Variants in CPNE2 observed in about 807,000 individuals in gnomAD.
CPNE2 encodes the protein copine 2, also known as copine-2.
CPNE2 carries 42 observed loss-of-function variants against 69.7 expected under a neutral mutation model. The observed-to-expected ratio is 0.60, with a 90% CI of 0.47 to 0.78. The LOEUF (loss-of-function observed/expected upper bound fraction) is 0.78, where lower values mean the gene tolerates loss of function less well. Among genes scored for constraint, CPNE2 ranks in the 30% least tolerant of loss-of-function variants. The pLI, the probability that CPNE2 is intolerant of heterozygous loss-of-function variation, is 0.00. For synonymous variants in CPNE2, 294 were observed against 289.8 expected (o/e 1.01, Z -0.15); for missense variants, 587 against 732.0 (o/e 0.80, Z 2.29).
At chr16:57,104,499 G>C (rs1268185829) in intron 1 of CPNE2, among the ~76,000 whole-genome samples, 1 of 152,212 alleles carries the variant, frequency 6.6e-6, no homozygotes. Context: ...ATTCTCTCAA[G>C]TGATGTGTGC....
At chr16:57,093,557 A>G (rs2069558799) in intron 1 of CPNE2, among the ~76,000 whole-genome samples, 1 of 151,568 alleles carries the variant, frequency 6.6e-6, no homozygotes. Context: ...AAGCTCTCCT[A>G]TGGGGAAGGG....
At chr16:57,121,040 G>A (rs2069757564) in intron 7 of CPNE2, 53 bp from the exon 8 acceptor site, 23 of 1,378,334 alleles carry the variant, frequency 1.7e-5, no homozygotes, top group Non-Finnish European at 2.1e-5. Flanking sequence ...AGAGGGGCTG[G>A]AGAGCACCTC....
At position 57,109,467 on chromosome 16, in the gene CPNE2, C is replaced by A. The variant is rs375270018; in HGVS notation, c.-35-1241C>A. ...CTTCAGCCTGGGTGACAGAGCCAGA[C>A]TCTGCCTCAAAAAAAAAAAAAAAAG... On this transcript the variant is annotated intron_variant, in intron 1 of 15. Coordinates refer to ENST00000290776, the MANE Select transcript of CPNE2 (RefSeq NM_152727.6). Among the ~76,000 whole-genome samples, 54 of 146,270 alleles carry A rather than the reference C, an allele frequency of 3.7e-4. 1 individual carries two copies. The highest frequency in any genetic ancestry group is 3.5e-3 in the Middle Eastern group (1 of 286).
chr16:57,098,241 C>T (rs1224071889), intron 1 of CPNE2, among the ~76,000 whole-genome samples: 1 of 152,244 alleles, frequency 6.6e-6, no homozygotes, highest in Non-Finnish European at 1.5e-5. Flanking sequence ...CTGCTGCAGC[C>T]TCCTCGCCAT....
At chr16:57,094,180 G>A in intron 1 of CPNE2, 1 of 435,998 alleles carries the variant, frequency 2.3e-6, no homozygotes. Flanking sequence ...CGAAGGATGT[G>A]GACGCTTGGG....
At chr16:57,129,941 C>T (rs934286091) in intron 12 of CPNE2, among the ~76,000 whole-genome samples, 2 of 152,140 alleles carry the variant, frequency 1.3e-5, no homozygotes, top group Non-Finnish European at 2.9e-5. Flanking sequence ...GCTAGGGAGA[C>T]AGGTGGAGTG....
rs192340868 is a variant in CPNE2, at chr16:57,132,900, C to T, written c.1117-1875C>T. Among the ~76,000 whole-genome samples, 492 of 152,222 alleles carry T rather than the reference C, an allele frequency of 3.2e-3. 2 individuals carry two copies. The highest frequency in any genetic ancestry group is 0.011 in the African/African-American group (466 of 41,506). On this transcript the variant is annotated intron_variant, in intron 12 of 15. Transcript: ENST00000290776. ...GGACAACCTTCCACAGCCCCCCTGA[C>T]CGCAAGGCTGGGCCCTCCCCAAATA... is the stretch of plus-strand genomic sequence containing the variant.
intron 5 of CPNE2, 40 bp downstream of exon 5, chr16:57,117,607 GCCCC>G (rs766085388): frequency 6.2e-7 from 1 of 1,600,882 alleles, no homozygotes; most frequent in East Asian, 2.2e-5. Context: ...GGGAACAGTA[GCCCC>G]CACCAGCCCC....
At chr16:57,138,488 G>A (rs373235903) in intron 14 of CPNE2, among the ~76,000 whole-genome samples, 6 of 152,150 alleles carry the variant, frequency 3.9e-5, no homozygotes, top group African/African-American at 1.4e-4. Context: ...CTTCCTTACC[G>A]ACCCGATCAC....
intron 1 of CPNE2, among the ~76,000 whole-genome samples, chr16:57,096,267 A>C (rs1406293895): frequency 1.3e-5 from 2 of 152,206 alleles, no homozygotes; most frequent in African/African-American, 4.8e-5. Flanking sequence ...ACTGTGAGAG[A>C]ATCTAAGCCA....
rs550140196 is a variant in CPNE2 at position 57,145,967 on chromosome 16, G to C, written c.1303-118G>C. On this transcript the variant is annotated intron_variant, in intron 14 of 15. Transcript: ENST00000290776. ...GTGAGTTGTCTGGGACTTGGCTGCA[G>C]CTGGGTAAGATGCACTGCCTTCCTC... is the stretch of plus-strand genomic sequence containing the variant. 4.0e-5 allele frequency: 33 copies of C among 827,978 alleles called. No homozygotes were observed. In the South Asian group the frequency reaches 4.9e-4, roughly 12 times the overall value. The allele number at this position is 827,978 out of a possible 1,614,324, so 51.3% of individuals were successfully genotyped here.
rs1221051382 is a variant in CPNE2 at position 57,127,830 on chromosome 16, C to G, written c.1062-19C>G. 5 of 1,613,836 alleles carry G rather than the reference C, an allele frequency of 3.1e-6. No homozygotes were observed. Among genetic ancestry groups the G allele is most frequent in the Non-Finnish European group, 4.2e-6 (5 of 1,179,826 alleles). ...TCCTCAGGTGTCTTACAGTGTGTTTCTCTTCTCTCTCTGATTAGTGATAAG... is the reference window on the plus strand; with the variant it reads ...TCCTCAGGTGTCTTACAGTGTGTTTGTCTTCTCTCTCTGATTAGTGATAAG... On this transcript the variant is annotated intron_variant, in intron 11 of 15. Transcript: ENST00000290776.
rs1481451922 is a variant in CPNE2 at position 57,117,653 on chromosome 16, G to T, written c.507+86G>T. 5.6e-5 allele frequency: 81 copies of T among 1,447,642 alleles called. No homozygotes were observed. In the East Asian group the frequency reaches 1.9e-3, roughly 33 times the overall value. 89.7% of individuals were successfully genotyped at this position (1,447,642 alleles called of 1,614,324 possible). ...GTGTGGCCTCATTCCGGGACCTCGG[G>T]CCACCACCTCCATCACATTCTAGGG... On this transcript the variant is annotated intron_variant, in intron 5 of 15. Coordinates refer to ENST00000290776, the MANE Select transcript of CPNE2 (RefSeq NM_152727.6).
chr16:57,144,284 G>T (rs1481638476), intron 14 of CPNE2: 1 of 152,382 alleles, frequency 6.6e-6, no homozygotes, highest in Non-Finnish European at 1.5e-5. Flanking sequence ...CTGGAGCTGG[G>T]GGTGAGGGTG....
intron 14 of CPNE2, among the ~76,000 whole-genome samples, chr16:57,140,635 G>A (rs1597506951): frequency 6.6e-6 from 1 of 152,076 alleles, no homozygotes; most frequent in East Asian, 1.9e-4. Flanking sequence ...CACAGTCTCA[G>A]CTCACTGCAA....
intron 12 of CPNE2, 138 bp downstream of exon 12, chr16:57,128,041 A>T (rs1597501120): frequency 1.2e-6 from 1 of 827,550 alleles, no homozygotes. Flanking sequence ...GGCCACGCTC[A>T]TTTCTCAAGC....
At chr16:57,147,282 C>T (rs2069965572) in intron 15 of CPNE2, 1 of 353,054 alleles carries the variant, frequency 2.8e-6, no homozygotes, top group Non-Finnish European at 5.1e-6. Flanking sequence ...CAGACGGAGT[C>T]ATCCTAACCC....
intron 2 of CPNE2, 101 bp from the exon 3 acceptor site, chr16:57,113,187 G>C (rs1169700111): frequency 1.2e-5 from 13 of 1,091,506 alleles, no homozygotes; most frequent in Non-Finnish European, 1.6e-5. Flanking sequence ...GCCTGGCACA[G>C]AGTAGGCATT....
At chr16:57,100,543 G>T (rs1439099893) in intron 1 of CPNE2, among the ~76,000 whole-genome samples, 2 of 152,228 alleles carry the variant, frequency 1.3e-5, no homozygotes, top group African/African-American at 4.8e-5. Flanking sequence ...CCAATGACTT[G>T]TCCAGAGTCA....
Sources: allele counts gnomAD v4.1 joint callset (sites outside exome capture counted in the v4.1 genomes callset), GRCh38; gene constraint gnomAD v4.1.1; transcripts MANE v1.5; gene names NCBI Gene and HGNC (gene_info 2026-07-23, HGNC 2026-07-21).